Variants in AP3M1 observed in about 807,000 individuals in gnomAD.
The protein encoded by AP3M1 is adaptor related protein complex 3 subunit mu 1, also known as AP-3 complex subunit mu-1.
AP3M1 carries 29 observed loss-of-function variants against 42.6 expected under a neutral mutation model. That is an observed-to-expected ratio of 0.68 (90% CI 0.51 to 0.93). The LOEUF is 0.93. Ranked by LOEUF, AP3M1 falls within the 40% of genes least tolerant of loss-of-function variation. The pLI is 0.00. For missense variants in AP3M1, 416 were observed against 510.2 expected (o/e 0.82, Z 1.78); for synonymous variants, 178 against 175.3 (o/e 1.02, Z -0.12).
At position 74,122,997 on chromosome 10, in the gene AP3M1, G is replaced by A. The variant is rs1222851953; in HGVS notation, c.*813C>T. 6.6e-6 allele frequency: 1 copy of A among 152,558 alleles called. No homozygotes were observed. Among genetic ancestry groups the A allele is most frequent in the Non-Finnish European group, 1.5e-5 (1 of 68,030 alleles). The allele number at this position is 152,558 out of a possible 1,614,324, so 9.5% of individuals were successfully genotyped here. ...CTTTAATTTGCTTAAAAGCACAAAT[G>A]CTTGTGCTTGCAGTAACTTCCTAAA... is the stretch of plus-strand genomic sequence containing the variant. On this transcript the variant is annotated 3_prime_UTR_variant, in exon 9 of 9. Transcript: ENST00000355264.
At chr10:74,149,891 T>C (rs1230556192) in intron 1 of AP3M1, among the ~76,000 whole-genome samples, 1 of 152,204 alleles carries the variant, frequency 6.6e-6, no homozygotes, top group Non-Finnish European at 1.5e-5. Context: ...ACACTTGCAG[T>C]CTTTCCTCAG....
Position 74,123,499 on chromosome 10 carries a change from T to A in AP3M1, c.*311A>T. The A allele has an allele frequency of 3.0e-6, 1 of 333,732 alleles. No individual in the cohort carries two copies. Among genetic ancestry groups the A allele is most frequent in the Admixed American group, 4.5e-5 (1 of 22,284 alleles). 20.7% of individuals were successfully genotyped at this position (333,732 alleles called of 1,614,324 possible). On this transcript the variant is annotated 3_prime_UTR_variant, in exon 9 of 9. Transcript: ENST00000355264. The stretch of plus-strand genomic sequence containing the variant: ...CCAGTTAACTCTTTTAGGAGAGAGG[T>A]TATCACTACAGCTTTCTGCCTTTAC...
At chr10:74,148,685 T>C (rs1365999702) in intron 1 of AP3M1, among the ~76,000 whole-genome samples, 1 of 152,022 alleles carries the variant, frequency 6.6e-6, no homozygotes, top group Non-Finnish European at 1.5e-5. Flanking sequence ...ACCTCCTGAG[T>C]AGCTAGGACT....
Position 74,134,050 on chromosome 10 carries a change from A to G in AP3M1, c.560T>C (p.Ile187Thr), listed in dbSNP as rs775305009. The G allele has an allele frequency of 6.2e-7, 1 of 1,614,080 alleles. No homozygotes were observed. The highest frequency in any genetic ancestry group is 8.5e-7 in the Non-Finnish European group (1 of 1,179,978). ...NEAYFDVVEE[I>T]DAIIDKSGST... ...ACCTGATTTATCTATAATTGCGTCT[A>G]TTTCTTCAACAACATCAAAATAGGC... is the stretch of plus-strand genomic sequence containing the variant. Residue 187 changes from isoleucine (I) to threonine (T), a missense_variant, in exon 4 of 9, where the codon ATA becomes ACA. Coordinates refer to ENST00000355264, the MANE Select transcript of AP3M1 (RefSeq NM_012095.6).
intron 1 of AP3M1, among the ~76,000 whole-genome samples, chr10:74,146,110 C>A (rs1481105307): frequency 6.6e-6 from 1 of 152,020 alleles, no homozygotes; most frequent in African/African-American, 2.4e-5. Context: ...GTAATTCCTA[C>A]GATGATACAG....
Position 74,126,295 on chromosome 10 carries a change from G to T in AP3M1, c.864C>A (p.Cys288Ter). ...HSISFKENSS[C>*]GRFDITIGPK... is the part of the protein sequence containing the mutation. Reference sequence around the variant, plus strand: ...GTCCAATTGTTATATCAAATCTGCCGCAAGAACTGTTCTCCTTAAAGCTGA... The same window carrying T: ...GTCCAATTGTTATATCAAATCTGCCTCAAGAACTGTTCTCCTTAAAGCTGA... The change falls in exon 7 of 9, where the codon TGC becomes TGA. Residue 288 changes from cysteine to a stop codon, truncating the protein, a stop_gained. Coordinates refer to ENST00000355264, the MANE Select transcript of AP3M1 (RefSeq NM_012095.6). LOFTEE classifies it high-confidence loss of function. The T allele has an allele frequency of 2.5e-6, 4 of 1,614,092 alleles. No individual in the cohort carries two copies. The highest frequency in any genetic ancestry group is 3.4e-6 in the Non-Finnish European group (4 of 1,180,020).
intron 3 of AP3M1, among the ~76,000 whole-genome samples, chr10:74,135,417 T>A (rs891228009): frequency 6.6e-6 from 1 of 152,220 alleles, no homozygotes; most frequent in Admixed American, 6.5e-5. Flanking sequence ...AATGGAACCA[T>A]TCTCTTGAAC....
rs1178890009 is a variant in AP3M1 at position 74,123,680 on chromosome 10, T to G, written c.*130A>C. On this transcript the variant is annotated 3_prime_UTR_variant, in exon 9 of 9. Coordinates refer to ENST00000355264, the MANE Select transcript of AP3M1 (RefSeq NM_012095.6). ...TCCTACATTGATAACTAAGTAACTT[T>G]GTTAGCGGTGTGTAGCTAGACACAA... is the stretch of plus-strand genomic sequence containing the variant. 1.4e-6 allele frequency: 1 copy of G among 721,510 alleles called. No individual in the cohort carries two copies. The highest frequency in any genetic ancestry group is 1.8e-5 in the African/African-American group (1 of 56,400). The allele number at this position is 721,510 out of a possible 1,614,324, so 44.7% of individuals were successfully genotyped here. A position where few individuals can be genotyped will look rare whatever the true frequency, so the allele number is the denominator to read the frequency against.
At chr10:74,138,527 C>T (rs1464354512) in intron 1 of AP3M1, 145 bp from the exon 2 acceptor site, 3 of 470,254 alleles carry the variant, frequency 6.4e-6, no homozygotes, top group African/African-American at 4.6e-5. Context: ...ACATGATATA[C>T]AATAAGAACT....
intron 7 of AP3M1, among the ~76,000 whole-genome samples, chr10:74,125,094 C>A (rs926557429): frequency 6.6e-6 from 1 of 152,150 alleles, no homozygotes; most frequent in Non-Finnish European, 1.5e-5. Context: ...GATGCTCCTG[C>A]CTCAGCCTCC....
At chr10:74,145,104 A>G (rs910228184) in intron 1 of AP3M1, among the ~76,000 whole-genome samples, 1 of 152,238 alleles carries the variant, frequency 6.6e-6, no homozygotes, top group African/African-American at 2.4e-5. Flanking sequence ...CAGGTTATCT[A>G]AAATCATTCA....
chr10:74,133,316 C>A (rs1037133604), intron 4 of AP3M1, among the ~76,000 whole-genome samples: 4 of 151,868 alleles, frequency 2.6e-5, no homozygotes, highest in Non-Finnish European at 5.9e-5. Flanking sequence ...ACTGCTTGAA[C>A]CCGGGAGGCG....
rs759718423 is a variant in AP3M1, at chr10:74,123,687, G to C, written c.*123C>G. 2.7e-5 allele frequency: 20 copies of C among 744,226 alleles called. No individual in the cohort carries two copies. The highest frequency in any genetic ancestry group is 4.2e-5 in the Non-Finnish European group (18 of 427,842). The allele number at this position is 744,226 out of a possible 1,614,324, so 46.1% of individuals were successfully genotyped here. ...TTGATAACTAAGTAACTTTGTTAGC[G>C]GTGTGTAGCTAGACACAAATGCTTT... On this transcript the variant is annotated 3_prime_UTR_variant, in exon 9 of 9. Transcript: ENST00000355264.
chr10:74,142,553 G>GTT (rs1415028386), intron 1 of AP3M1, among the ~76,000 whole-genome samples: 3 of 152,170 alleles, frequency 2.0e-5, no homozygotes, highest in African/African-American at 7.2e-5. Flanking sequence ...ACTGTTAACA[G>GTT]TTTAGGGTTC....
At position 74,122,415 on chromosome 10, in the gene AP3M1, G is replaced by A. The variant is rs1840494224; in HGVS notation, c.*1395C>T. ...AACAAGAAGGAAACATGAAGAACAAGCACTTAAGATATTAACTTTCAGTCT... is the reference window on the plus strand; with the variant it reads ...AACAAGAAGGAAACATGAAGAACAAACACTTAAGATATTAACTTTCAGTCT... On this transcript the variant is annotated 3_prime_UTR_variant, in exon 9 of 9. Transcript: ENST00000355264. The A allele has an allele frequency of 6.6e-6, 1 of 152,000 alleles. No homozygotes were observed. Among genetic ancestry groups the A allele is most frequent in the Admixed American group, 6.6e-5 (1 of 15,246 alleles). 9.4% of individuals were successfully genotyped at this position (152,000 alleles called of 1,614,324 possible).
intron 1 of AP3M1, among the ~76,000 whole-genome samples, chr10:74,140,667 T>G (rs1841117930): frequency 6.6e-6 from 1 of 151,280 alleles, no homozygotes; most frequent in South Asian, 2.1e-4. Context: ...CAAAACTTAC[T>G]ACAAAACTAC....
At chr10:74,129,383 A>G in intron 5 of AP3M1, 142 bp from the exon 6 acceptor site, 1 of 717,160 alleles carries the variant, frequency 1.4e-6, no homozygotes, top group Admixed American at 3.2e-5. Flanking sequence ...TTATAGTTTC[A>G]TAATGCTTTA....
Position 74,122,723 on chromosome 10 carries a change from T to A in AP3M1, c.*1087A>T, listed in dbSNP as rs1840503884. The stretch of plus-strand genomic sequence containing the variant: ...CTGGAAGAAATCTATGACTATAGCT[T>A]TGGGAAGCACACAATATGAAAAGGG... On this transcript the variant is annotated 3_prime_UTR_variant, in exon 9 of 9. Coordinates refer to ENST00000355264, the MANE Select transcript of AP3M1 (RefSeq NM_012095.6). 1 of 152,224 alleles carries A rather than the reference T, an allele frequency of 6.6e-6. No homozygotes were observed. Among genetic ancestry groups the A allele is most frequent in the African/African-American group, 2.4e-5 (1 of 41,452 alleles). The allele number at this position is 152,224 out of a possible 1,614,324, so 9.4% of individuals were successfully genotyped here. A position where few individuals can be genotyped will look rare whatever the true frequency, so the allele number is the denominator to read the frequency against.
rs571789813 is a variant in AP3M1, at chr10:74,127,522, G to A, written c.804-1167C>T. On this transcript the variant is annotated intron_variant, in intron 6 of 8. Coordinates refer to ENST00000355264, the MANE Select transcript of AP3M1 (RefSeq NM_012095.6). The stretch of plus-strand genomic sequence containing the variant: ...CAAAAAACAAAAATTAGCTGGGCGC[G>A]GTGGCAGGTGCCTGTAATCCCAGCT... Among the ~76,000 whole-genome samples, 10 of 152,074 alleles carry A rather than the reference G, an allele frequency of 6.6e-5. No individual in the cohort carries two copies. In the East Asian group the frequency reaches 1.4e-3, roughly 21 times the overall value.
Sources: gnomAD v4.1 joint callset for allele counts (sites outside exome capture counted in the v4.1 genomes callset) on GRCh38, gnomAD v4.1.1 for gene constraint, MANE v1.5 for transcripts, NCBI Gene and HGNC (gene_info 2026-07-23, HGNC 2026-07-21) for gene names.